The following RAPGEFL1 variants were observed in gnomAD, a reference collection of about 807,000 sequenced individuals.
RAPGEFL1 encodes Rap guanine nucleotide exchange factor like 1, also known as rap guanine nucleotide exchange factor-like 1.
RAPGEFL1 carries 31 observed loss-of-function variants against 64.4 expected under a neutral mutation model. The ratio of observed to expected loss-of-function variants is 0.48; its 90% confidence interval spans 0.36 to 0.65. The LOEUF is 0.65. Among genes scored for constraint, RAPGEFL1 ranks in the 30% least tolerant of loss-of-function variants. The pLI, the probability that RAPGEFL1 is intolerant of heterozygous loss-of-function variation, is 0.00. For synonymous variants in RAPGEFL1, 331 were observed against 274.1 expected (o/e 1.21, Z -2.05); for missense variants, 682 against 677.4 (o/e 1.01, Z -0.08).
Position 40,184,320 on chromosome 17 carries a change from G to C in RAPGEFL1, c.706G>C (p.Glu236Gln), listed in dbSNP as rs749562431. 4.3e-5 allele frequency: 69 copies of C among 1,613,270 alleles called. No homozygotes were observed. Among genetic ancestry groups the C allele is most frequent in the Non-Finnish European group, 5.5e-5 (65 of 1,179,784 alleles). The change falls in exon 3 of 15, where the codon GAG becomes CAG. Residue 236 changes from glutamate (E) to glutamine (Q), a missense_variant. By Grantham distance (29) the Glu-to-Gln change is conservative. Around this residue, in one of 2 missense-constraint regions of RAPGEFL1, gnomAD observed 271 missense variants for 158.0 expected, o/e 1.72. Coordinates refer to ENST00000620260, the MANE Select transcript of RAPGEFL1 (RefSeq NM_016339.6). ...FLDTYQGLLQEEEGAGHIIKD... is the reference protein window; with the variant it reads ...FLDTYQGLLQQEEGAGHIIKD... The stretch of plus-strand genomic sequence containing the variant: ...GGACACCTACCAGGGGCTGCTTCAA[G>C]AGGAAGAGGGGGCCGGCCACATCAT...
rs1989750442 is a variant in RAPGEFL1 at position 40,177,616 on chromosome 17, T to A, written c.-246T>A. ...CAGCCTGCCCACTCTTCGGGCCGCG[T>A]GCCGGCTGCAGCCGGCATGGGGGGT... On this transcript the variant is annotated 5_prime_UTR_variant, in exon 1 of 15. Coordinates refer to ENST00000620260, the MANE Select transcript of RAPGEFL1 (RefSeq NM_016339.6). 2.6e-6 allele frequency: 1 copy of A among 390,156 alleles called. No homozygotes were observed. Among genetic ancestry groups the A allele is most frequent in the Non-Finnish European group, 4.5e-6 (1 of 224,014 alleles). The allele number at this position is 390,156 out of a possible 1,614,324, so 24.2% of individuals were successfully genotyped here.
chr17:40,192,552 CTT>C (rs1257182900), intron 11 of RAPGEFL1, 52 bp from the exon 12 acceptor site: 34 of 1,453,488 alleles, frequency 2.3e-5, no homozygotes, highest in Admixed American at 2.1e-4. Context: ...CTGAGGACAT[CTT>C]TGGGATGCAT....
chr17:40,182,495 G>C (rs1170996632), intron 2 of RAPGEFL1, among the ~76,000 whole-genome samples: 2 of 152,098 alleles, frequency 1.3e-5, no homozygotes, highest in African/African-American at 4.8e-5. Flanking sequence ...GTATTTTTTG[G>C]TGGAGACGGA....
intron 4 of RAPGEFL1, among the ~76,000 whole-genome samples, chr17:40,186,892 CAAA>C (rs565969931): frequency 1.5e-5 from 1 of 65,216 alleles, no homozygotes; most frequent in Admixed American, 1.7e-4. Context: ...GACTCTGTCT[CAAA>C]AAAAAAAAAA....
chr17:40,193,278 G>C (rs1990340801), intron 13 of RAPGEFL1, 85 bp from the exon 14 acceptor site: 1 of 1,423,008 alleles, frequency 7.0e-7, no homozygotes, highest in Non-Finnish European at 9.9e-7. Context: ...GAGTAAAGCA[G>C]AGTGGGAGAA....
Position 40,184,334 on chromosome 17 carries a change from C to T in RAPGEFL1, c.720C>T (p.Ala240=), listed in dbSNP as rs748534808. 9.3e-6 allele frequency: 15 copies of T among 1,611,528 alleles called. No homozygotes were observed. Among genetic ancestry groups the T allele is most frequent in the Non-Finnish European group, 1.3e-5 (15 of 1,179,162 alleles). ...YQGLLQEEEG[A]GHIIKDLYLL... is the part of the protein sequence containing the mutation. ...GGCTGCTTCAAGAGGAAGAGGGGGC[C>T]GGCCACATCATCAAGGTGGGCCTGG... The change falls in exon 3 of 15, where the codon GCC becomes GCT. Residue 240 remains alanine, a synonymous_variant. Coordinates refer to ENST00000620260, the MANE Select transcript of RAPGEFL1 (RefSeq NM_016339.6).
chr17:40,190,849 T>C (rs1990237813), intron 8 of RAPGEFL1, 87 bp downstream of exon 8: 5 of 1,557,574 alleles, frequency 3.2e-6, no homozygotes, highest in Admixed American at 1.8e-5. Flanking sequence ...ACGTCCTGGT[T>C]CCAAGGCTCA....
intron 12 of RAPGEFL1, 101 bp from the exon 13 acceptor site, chr17:40,192,825 G>A (rs548710060): frequency 1.9e-5 from 26 of 1,346,710 alleles, no homozygotes; most frequent in Admixed American, 6.8e-5. Flanking sequence ...CACCACAGAC[G>A]GAGTGGGTTC....
At position 40,187,218 on chromosome 17, in the gene RAPGEFL1, T is replaced by G. The variant is rs1990106889; in HGVS notation, c.834-1648T>G. 3.9e-5 allele frequency among the ~76,000 whole-genome samples: 6 copies of G among 152,178 alleles called. No homozygotes were observed. In the South Asian group the frequency reaches 1.2e-3, roughly 32 times the overall value. Reference sequence around the variant, plus strand: ...GGTAAAATTCCCCAGAACTTAACAGTATGCTCTTGTGAGCCAGTGTGAACC... The same window carrying G: ...GGTAAAATTCCCCAGAACTTAACAGGATGCTCTTGTGAGCCAGTGTGAACC... On this transcript the variant is annotated intron_variant, in intron 4 of 14. Coordinates refer to ENST00000620260, the MANE Select transcript of RAPGEFL1 (RefSeq NM_016339.6).
In RAPGEFL1 at chr17:40,177,899, C is replaced by T. The variant is rs1352571924; in HGVS notation, c.38C>T (p.Ser13Leu). Residue 13 changes from serine to leucine, a missense_variant, in exon 1 of 15, where the codon TCG becomes TTG. Around this residue, in one of 2 missense-constraint regions of RAPGEFL1, gnomAD observed 271 missense variants for 158.0 expected, o/e 1.72. Transcript: ENST00000620260. The stretch of plus-strand genomic sequence containing the variant: ...GAGAAATTTCTGAAGAAGCAGACGT[C>T]GCAGCTGGCGGGCCGAACGGTGGCG... ...PLEKFLKKQT[S>L]QLAGRTVAGG... 4.7e-6 allele frequency: 2 copies of T among 424,672 alleles called. No homozygotes were observed. The highest frequency in any genetic ancestry group is 8.4e-6 in the Non-Finnish European group (2 of 239,244). 26.3% of individuals were successfully genotyped at this position (424,672 alleles called of 1,614,324 possible).
At chr17:40,185,352 T>C (rs1434525653) in intron 4 of RAPGEFL1, among the ~76,000 whole-genome samples, 1 of 152,060 alleles carries the variant, frequency 6.6e-6, no homozygotes, top group Non-Finnish European at 1.5e-5. Context: ...CAGGCTGTTA[T>C]GTAGTATCTC....
chr17:40,193,645 C>G lies in RAPGEFL1; in HGVS notation c.1865-19C>G, dbSNP rs781776276. The G allele has an allele frequency of 6.2e-7, 1 of 1,614,104 alleles. No homozygotes were observed. Among genetic ancestry groups the G allele is most frequent in the Non-Finnish European group, 8.5e-7 (1 of 1,180,006 alleles). ...AGGGAAGCTGGGAACCTGACTGCCT[C>G]TCCCTCTTTACCCACTAGGCCTGGA... On this transcript the variant is annotated intron_variant, in intron 14 of 14. Coordinates refer to ENST00000620260, the MANE Select transcript of RAPGEFL1 (RefSeq NM_016339.6).
intron 2 of RAPGEFL1, 82 bp from the exon 3 acceptor site, chr17:40,184,132 C>G: frequency 9.4e-7 from 1 of 1,069,084 alleles, no homozygotes; most frequent in Non-Finnish European, 1.5e-6. Flanking sequence ...GCGTGAGCCA[C>G]TGCGCCCAGC....
chr17:40,180,763 A>G (rs746825170), intron 1 of RAPGEFL1, among the ~76,000 whole-genome samples: 52 of 152,302 alleles, frequency 3.4e-4, no homozygotes, highest in Non-Finnish European at 4.9e-4. Flanking sequence ...AGAACTGACC[A>G]CAGGAGATAG....
In RAPGEFL1 at chr17:40,189,341, T is replaced by C. The variant is rs1990184177; in HGVS notation, c.1080T>C (p.Asp360=). 1 of 1,614,048 alleles carries C rather than the reference T, an allele frequency of 6.2e-7. No homozygotes were observed. Among genetic ancestry groups the C allele is most frequent in the African/African-American group, 1.3e-5 (1 of 74,930 alleles). ...CAGAGGAGCCCGCGGGGCGTGAGGA[T>C]TCCCTCATCCTGGTAGCTGTGTCCT... is the stretch of plus-strand genomic sequence containing the variant. ...QYSEEPAGRE[D]SLILVAVSSS... is the part of the protein sequence containing the mutation. The change falls in exon 6 of 15, where the codon GAT becomes GAC. Residue 360 remains aspartate (D), a synonymous_variant. Transcript: ENST00000620260.
chr17:40,179,913 A>C (rs1179823973), intron 1 of RAPGEFL1, among the ~76,000 whole-genome samples: 1 of 152,108 alleles, frequency 6.6e-6, no homozygotes, highest in East Asian at 1.9e-4. Context: ...ATTTAATTAG[A>C]AAAATATCAG....
intron 12 of RAPGEFL1, 60 bp from the exon 13 acceptor site, chr17:40,192,866 G>T (rs1410132621): frequency 4.1e-6 from 6 of 1,456,076 alleles, no homozygotes; most frequent in Non-Finnish European, 5.8e-6. Flanking sequence ...GGGTGCAGTG[G>T]CCCCTTTCGA....
intron 1 of RAPGEFL1, among the ~76,000 whole-genome samples, chr17:40,180,563 C>G (rs749458798): frequency 1.6e-4 from 24 of 152,128 alleles, no homozygotes; most frequent in Non-Finnish European, 2.8e-4. Context: ...CCCCTCTGAC[C>G]GCTAGGTTTT....
intron 2 of RAPGEFL1, among the ~76,000 whole-genome samples, chr17:40,181,981 G>T (rs190676313): frequency 1.3e-5 from 2 of 152,224 alleles, no homozygotes; most frequent in Admixed American, 1.3e-4. Context: ...TACTTGGGAG[G>T]CTGAGGCAGG....
Sources: gnomAD v4.1 joint callset for allele counts (sites outside exome capture counted in the v4.1 genomes callset) on GRCh38, gnomAD v4.1.1 for gene constraint, gnomAD v4.1.1 regional missense constraint, MANE v1.5 for transcripts, NCBI Gene and HGNC (gene_info 2026-07-23, HGNC 2026-07-21) for gene names.